The following WDR93 variants were observed in gnomAD, a reference collection of about 807,000 sequenced individuals.
WDR93 encodes WD repeat domain 93, also known as WD repeat-containing protein 93.
Under a neutral mutation model 82.9 loss-of-function variants are expected in WDR93, and 73 were observed. That is an observed-to-expected ratio of 0.88 (90% CI 0.73 to 1.07). The LOEUF (loss-of-function observed/expected upper bound fraction) is 1.07, where lower values mean the gene tolerates loss of function less well. Ranked by LOEUF, WDR93 falls within the 50% of genes least tolerant of loss-of-function variation. WDR93 has a pLI of 0.00. For synonymous variants in WDR93, 283 were observed against 300.1 expected (o/e 0.94, Z 0.59); for missense variants, 738 against 826.0 (o/e 0.89, Z 1.31).
At chr15:89,700,192 T>C (rs1486966551) in intron 1 of WDR93, among the ~76,000 whole-genome samples, 2 of 152,190 alleles carry the variant, frequency 1.3e-5, no homozygotes, top group East Asian at 1.9e-4. Flanking sequence ...TTCAGACTAC[T>C]CTACATAATC....
At chr15:89,721,554 T>TCA (rs1289859022) in intron 7 of WDR93, 5 of 154,956 alleles carry the variant, frequency 3.2e-5, no homozygotes, top group Non-Finnish European at 5.7e-5. Flanking sequence ...ATCCTGTCTC[T>TCA]CACACACACA....
At chr15:89,704,691 C>T (rs956384211) in intron 3 of WDR93, 17 of 152,194 alleles carry the variant, frequency 1.1e-4, no homozygotes, top group African/African-American at 4.1e-4. Flanking sequence ...CATGTGCAGA[C>T]TTGAGGCATC....
chr15:89,726,213 A>G (rs8042142), intron 8 of WDR93, among the ~76,000 whole-genome samples: 64,191 of 152,032 alleles, frequency 0.42, 14,085 homozygotes, highest in African/African-American at 0.49. Flanking sequence ...GCTTGAACCA[A>G]GGAGTTCAAG....
intron 8 of WDR93, among the ~76,000 whole-genome samples, chr15:89,723,328 G>A (rs1194989700): frequency 1.3e-5 from 2 of 152,050 alleles, no homozygotes; most frequent in Non-Finnish European, 2.9e-5. Context: ...TATAACCCTA[G>A]CACTTTGAGA....
At chr15:89,728,477 A>C (rs554079306) in intron 9 of WDR93, among the ~76,000 whole-genome samples, 7 of 152,346 alleles carry the variant, frequency 4.6e-5, no homozygotes, top group Non-Finnish European at 7.3e-5. Flanking sequence ...ACTGTCTGGA[A>C]CTACGTCAAG....
chr15:89,692,611 T>C (rs550472586), intron 1 of WDR93, among the ~76,000 whole-genome samples: 16 of 152,224 alleles, frequency 1.1e-4, no homozygotes, highest in Middle Eastern at 6.8e-3. Context: ...ATCATCTGTT[T>C]TTTGTTTTTG....
intron 16 of WDR93, among the ~76,000 whole-genome samples, chr15:89,739,931 A>G (rs1413805945): frequency 6.6e-6 from 1 of 152,192 alleles, no homozygotes; most frequent in Non-Finnish European, 1.5e-5. Context: ...TGGTTAAGAT[A>G]TGCAGGTCTG....
At position 89,694,098 on chromosome 15, in the gene WDR93, G is replaced by T. The variant is rs564639910; in HGVS notation, c.-41+3241G>T. 2.0e-5 allele frequency among the ~76,000 whole-genome samples: 3 copies of T among 152,222 alleles called. No homozygotes were observed. The South Asian group carries it at 6.2e-4, about 32-fold the overall frequency. ...TAACTTTAGGCATTTTAATATACGT[G>T]TAGTGGTATCTCATGATTTTAATTT... On this transcript the variant is annotated intron_variant, in intron 1 of 16. Transcript: ENST00000268130.
At position 89,743,417 on chromosome 15, in the gene WDR93, A is replaced by T. The variant is rs763878255; in HGVS notation, c.*26A>T. ...GGCTGCCACCGCCCTGGGATCTCTG[A>T]AAAGGAGGTTTCAGCCACGAGGCAG... On this transcript the variant is annotated 3_prime_UTR_variant, in exon 17 of 17. Transcript: ENST00000268130. The T allele has an allele frequency of 1.9e-6, 3 of 1,612,370 alleles. No homozygotes were observed. In the South Asian group the frequency reaches 3.3e-5, roughly 18 times the overall value.
intron 1 of WDR93, among the ~76,000 whole-genome samples, chr15:89,695,517 A>G (rs961089120): frequency 1.3e-5 from 2 of 152,128 alleles, no homozygotes. Context: ...CAGGTTTTAT[A>G]TATCTTTTGT....
chr15:89,709,898 T>C (rs532856795), intron 4 of WDR93, among the ~76,000 whole-genome samples: 21 of 151,872 alleles, frequency 1.4e-4, no homozygotes, highest in East Asian at 5.8e-4. Flanking sequence ...CAGTGGCTCC[T>C]GCCTGTAATC....
At chr15:89,729,588 TC>T (rs1966842770) in intron 10 of WDR93, 94 bp from the exon 11 acceptor site, 4 of 918,534 alleles carry the variant, frequency 4.4e-6, no homozygotes, top group Non-Finnish European at 6.9e-6. Context: ...CAAACCAGCT[TC>T]TCTTGGGCAA....
intron 4 of WDR93, among the ~76,000 whole-genome samples, chr15:89,710,282 G>A (rs561076943): frequency 5.3e-5 from 8 of 152,288 alleles, no homozygotes; most frequent in South Asian, 4.1e-4. Context: ...TGATTACAAC[G>A]CAGCAGATGA....
rs1965998966 is a variant in WDR93 at position 89,711,969 on chromosome 15, A to G, written c.562-57A>G. 10 of 1,444,872 alleles carry G rather than the reference A, an allele frequency of 6.9e-6. No individual in the cohort carries two copies. In the South Asian group the frequency reaches 1.2e-4, roughly 17 times the overall value. 89.5% of individuals were successfully genotyped at this position (1,444,872 alleles called of 1,614,324 possible). The stretch of plus-strand genomic sequence containing the variant: ...GGGTGCAGACCACAGAAGGTCCTGA[A>G]ATACATTCTCTGTCAGCAGGCTATG... On this transcript the variant is annotated intron_variant, in intron 4 of 16. Coordinates refer to ENST00000268130, the MANE Select transcript of WDR93 (RefSeq NM_020212.2).
chr15:89,694,181 G>A (rs1965037817), intron 1 of WDR93, among the ~76,000 whole-genome samples: 2 of 149,206 alleles, frequency 1.3e-5, no homozygotes, highest in Admixed American at 1.3e-4. Flanking sequence ...TCTGCCATCT[G>A]TATATCTTCT....
chr15:89,711,365 G>C (rs1011690364), intron 4 of WDR93, among the ~76,000 whole-genome samples: 2 of 152,040 alleles, frequency 1.3e-5, no homozygotes, highest in Non-Finnish European at 2.9e-5. Context: ...AAGAGACTTA[G>C]GAGATACATT....
chr15:89,695,156 G>GT (rs1965104536), intron 1 of WDR93, among the ~76,000 whole-genome samples: 1 of 120,302 alleles, frequency 8.3e-6, no homozygotes, highest in African/African-American at 3.2e-5. Context: ...CTTAATTTCT[G>GT]GAAAAAAAAA....
rs1967365300 is a variant in WDR93 at position 89,738,198 on chromosome 15, G to A, written c.1923G>A (p.Leu641=). The change falls in exon 16 of 17, where the codon CTG becomes CTA. Residue 641 remains leucine, a synonymous_variant. Coordinates refer to ENST00000268130, the MANE Select transcript of WDR93 (RefSeq NM_020212.2). ...ATAACATGGCCTTCCCCCAAGCACT[G>A]CCACTGGAGAAGAGATGTGAGCGTT... is the stretch of plus-strand genomic sequence containing the variant. ...DLDNMAFPQA[L]PLEKRCERFL... is the part of the protein sequence containing the mutation. 6.2e-7 allele frequency: 1 copy of A among 1,613,604 alleles called. No individual in the cohort carries two copies.
At chr15:89,722,962 T>G (rs1291385828) in intron 8 of WDR93, among the ~76,000 whole-genome samples, 1 of 152,142 alleles carries the variant, frequency 6.6e-6, no homozygotes, top group African/African-American at 2.4e-5. Flanking sequence ...CCTAGCACTT[T>G]GGGAGGCCAA....
Sources: allele counts gnomAD v4.1 joint callset (sites outside exome capture counted in the v4.1 genomes callset), GRCh38; gene constraint gnomAD v4.1.1; transcripts MANE v1.5; gene names NCBI Gene and HGNC (gene_info 2026-07-23, HGNC 2026-07-21).